Variants in ENOX1 observed in about 807,000 individuals in gnomAD.
ENOX1 encodes ecto-NOX disulfide-thiol exchanger 1.
A neutral mutation model predicts 82.5 loss-of-function variants in ENOX1; 42 were observed. The observed-to-expected ratio is 0.51, with a 90% confidence interval of 0.40 to 0.66. ENOX1 has a LOEUF of 0.66. Ranked by LOEUF, ENOX1 falls within the 30% of genes least tolerant of loss-of-function variation. The probability of loss-of-function intolerance (pLI) is 0.00; values close to 1 mark genes in which losing one functional copy is unlikely to be tolerated. For missense variants in ENOX1, 608 were observed against 811.6 expected (o/e 0.75, Z 3.05); for synonymous variants, 271 against 282.2 (o/e 0.96, Z 0.40).
intron 9 of ENOX1, among the ~76,000 whole-genome samples, chr13:43,332,011 G>A (rs192357548): frequency 1.3e-5 from 2 of 152,238 alleles, no homozygotes; most frequent in East Asian, 3.9e-4. Context: ...AGGGCATTCT[G>A]GGGTTTTGTC....
intron 3 of ENOX1, among the ~76,000 whole-genome samples, chr13:43,467,486 A>G (rs974781569): frequency 2.7e-5 from 4 of 149,374 alleles, no homozygotes; most frequent in African/African-American, 1.0e-4. Context: ...CATTTATAGT[A>G]TCTTCTTTGG....
intron 2 of ENOX1, among the ~76,000 whole-genome samples, chr13:43,610,785 C>T (rs7996003): frequency 0.011 from 1,657 of 151,044 alleles, 35 homozygotes; most frequent in African/African-American, 0.038. Flanking sequence ...TATGACTTAC[C>T]GATCCAGGAA....
intron 2 of ENOX1, among the ~76,000 whole-genome samples, chr13:43,542,468 C>T (rs1265685634): frequency 7.0e-6 from 1 of 143,322 alleles, no homozygotes; most frequent in African/African-American, 2.6e-5. Context: ...GACAGTCTCA[C>T]TCTGTCGCCC....
chr13:43,404,273 C>G lies in ENOX1; in HGVS notation c.208+7643G>C, dbSNP rs1416400958. On this transcript the variant is annotated intron_variant, in intron 5 of 16. Coordinates refer to ENST00000690772, the MANE Select transcript of ENOX1 (RefSeq NM_001347969.2). ...AGGCATGGTCTGGCCCCAGCCTATC[C>G]TACCAGACTTGAGTTAAGCACCAAC... Among the ~76,000 whole-genome samples the G allele has an allele frequency of 2.6e-5, 4 of 152,162 alleles. No homozygotes were observed. In the East Asian group the frequency reaches 7.7e-4, roughly 29 times the overall value.
At chr13:43,285,040 G>T (rs1009186430) in intron 12 of ENOX1, among the ~76,000 whole-genome samples, 2 of 152,202 alleles carry the variant, frequency 1.3e-5, no homozygotes, top group African/African-American at 4.8e-5. Flanking sequence ...ACCATGCAGG[G>T]TGTATTCACT....
At chr13:43,624,454 T>C (rs1463651867) in intron 2 of ENOX1, among the ~76,000 whole-genome samples, 6 of 152,172 alleles carry the variant, frequency 3.9e-5, no homozygotes, top group Non-Finnish European at 2.9e-5. Context: ...TGCTTTGATA[T>C]GAAGTCTAAG....
intron 3 of ENOX1, among the ~76,000 whole-genome samples, chr13:43,429,128 A>G (rs892817006): frequency 6.6e-6 from 1 of 152,218 alleles, no homozygotes; most frequent in African/African-American, 2.4e-5. Context: ...TCCTGTCACA[A>G]GTACCCTGTG....
intron 5 of ENOX1, among the ~76,000 whole-genome samples, chr13:43,397,637 T>C (rs185432488): frequency 1.1e-4 from 17 of 152,334 alleles, no homozygotes; most frequent in African/African-American, 3.8e-4. Flanking sequence ...TTTTGCCCTA[T>C]AGGCATAAAC....
rs573243581 is a variant in ENOX1, at chr13:43,294,806, T to C, written c.1446+3540A>G. 3.3e-5 allele frequency among the ~76,000 whole-genome samples: 5 copies of C among 152,338 alleles called. No individual in the cohort carries two copies. The South Asian group carries it at 1.0e-3, about 32-fold the overall frequency. ...ACTGCTCAGCATCAGAAGGAATGAA[T>C]GCCTGATACGTACAGCATCATGGAT... On this transcript the variant is annotated intron_variant, in intron 12 of 16. Transcript: ENST00000690772.
chr13:43,310,230 T>G (rs1009080540), intron 11 of ENOX1, among the ~76,000 whole-genome samples: 1 of 145,214 alleles, frequency 6.9e-6, no homozygotes, highest in Non-Finnish European at 1.5e-5. Context: ...AAAAAGCCTC[T>G]GCCAGTGCTG....
At chr13:43,574,688 C>T in intron 2 of ENOX1, among the ~76,000 whole-genome samples, 1 of 152,210 alleles carries the variant, frequency 6.6e-6, no homozygotes, top group Non-Finnish European at 1.5e-5. Context: ...CCACTTTCAT[C>T]TCAGTCAGGG....
intron 2 of ENOX1, among the ~76,000 whole-genome samples, chr13:43,617,132 C>A (rs532496024): frequency 1.3e-5 from 2 of 152,276 alleles, no homozygotes; most frequent in African/African-American, 4.8e-5. Flanking sequence ...ACTGATACAC[C>A]TTTTTCATAC....
chr13:43,672,440 G>C (rs1463848272), intron 1 of ENOX1, among the ~76,000 whole-genome samples: 2 of 151,996 alleles, frequency 1.3e-5, no homozygotes, highest in Non-Finnish European at 2.9e-5. Context: ...AAATAAACAA[G>C]TTTAACCATT....
At chr13:43,311,747 A>T (rs1169212725) in intron 11 of ENOX1, among the ~76,000 whole-genome samples, 1 of 152,218 alleles carries the variant, frequency 6.6e-6, no homozygotes, top group Non-Finnish European at 1.5e-5. Flanking sequence ...TTAATCTGGC[A>T]CTGTAAAGAA....
At chr13:43,765,158 T>C (rs768524699) in intron 1 of ENOX1, among the ~76,000 whole-genome samples, 2 of 152,130 alleles carry the variant, frequency 1.3e-5, no homozygotes, top group African/African-American at 2.4e-5. Flanking sequence ...TTCCTCAACA[T>C]GGCATATATA....
At chr13:43,724,714 AT>A (rs1275451565) in intron 1 of ENOX1, among the ~76,000 whole-genome samples, 1 of 152,142 alleles carries the variant, frequency 6.6e-6, no homozygotes, top group Non-Finnish European at 1.5e-5. Flanking sequence ...AAGAGTCTGG[AT>A]TTTTTTCCTA....
chr13:43,718,733 A>AAATAGC (rs1489652769), intron 1 of ENOX1, among the ~76,000 whole-genome samples: 4 of 150,000 alleles, frequency 2.7e-5, no homozygotes. Flanking sequence ...AAAGCTGTTA[A>AAATAGC]AATAGCTTAG....
Position 43,344,715 on chromosome 13 carries a change from G to A in ENOX1, c.859C>T (p.Leu287Phe). 1 of 1,614,202 alleles carries A rather than the reference G, an allele frequency of 6.2e-7. No individual in the cohort carries two copies. Among genetic ancestry groups the A allele is most frequent in the Non-Finnish European group, 8.5e-7 (1 of 1,180,030 alleles). Reference sequence around the variant, plus strand: ...ACTTCCCCTCGTTCAATCCAGGAAAGCAGCACTGTGATAGCCTCTGAAAAC... The same window carrying A: ...ACTTCCCCTCGTTCAATCCAGGAAAACAGCACTGTGATAGCCTCTGAAAAC... ...SKFSEAITVL[L>F]SWIERGEVNR... The change falls in exon 9 of 17, where the codon CTT (leucine) becomes TTT (phenylalanine). Residue 287 changes from leucine (L) to phenylalanine (F), a missense_variant. Leu to Phe is a conservative substitution (Grantham distance 22, BLOSUM62 0). Transcript: ENST00000690772.
At position 43,485,394 on chromosome 13, in the gene ENOX1, C is replaced by T. The variant is rs554533775; in HGVS notation, c.-218-1242G>A. Reference sequence around the variant, plus strand: ...CTGTCCTGAACCTTTTAGCTCATGGCCCCACTGCAGGACCAAAAGTCCCTT... The same window carrying T: ...CTGTCCTGAACCTTTTAGCTCATGGTCCCACTGCAGGACCAAAAGTCCCTT... On this transcript the variant is annotated intron_variant, in intron 2 of 16. Coordinates refer to ENST00000690772, the MANE Select transcript of ENOX1 (RefSeq NM_001347969.2). Among the ~76,000 whole-genome samples the T allele has an allele frequency of 1.1e-4, 16 of 152,288 alleles. No homozygotes were observed. In the East Asian group the frequency reaches 3.1e-3, roughly 29 times the overall value.
Sources: gnomAD v4.1 joint callset for allele counts (sites outside exome capture counted in the v4.1 genomes callset) on GRCh38, gnomAD v4.1.1 for gene constraint, MANE v1.5 for transcripts, NCBI Gene and HGNC (gene_info 2026-07-23, HGNC 2026-07-21) for gene names.